The following OR51E2 variants were observed in gnomAD, a reference collection of about 807,000 sequenced individuals.
OR51E2 encodes olfactory receptor family 51 subfamily E member 2.
A neutral mutation model predicts 13.7 loss-of-function variants in OR51E2; 14 were observed. The ratio of observed to expected loss-of-function variants is 1.02; its 90% CI spans 0.68 to 1.60. The LOEUF (loss-of-function observed/expected upper bound fraction) is 1.60. OR51E2 is among the 40% of genes most tolerant of loss of function. The pLI is 0.00. For missense variants in OR51E2, 483 were observed against 413.8 expected (o/e 1.17, Z -1.45); for synonymous variants, 180 against 157.6 (o/e 1.14, Z -1.07).
chr11:4,692,966 A>G (rs1564888014), intron 1 of OR51E2, among the ~76,000 whole-genome samples: 1 of 152,204 alleles, frequency 6.6e-6, no homozygotes, highest in Non-Finnish European at 1.5e-5. Flanking sequence ...ATAGCTTTAG[A>G]TTCTGAAATT....
intron 1 of OR51E2, among the ~76,000 whole-genome samples, chr11:4,694,575 T>TATATACACACAC (rs72005121): frequency 4.1e-5 from 6 of 147,872 alleles, no homozygotes; most frequent in Admixed American, 6.8e-5. Context: ...CATATATATA[T>TATATACACACAC]ACACACACAC....
In OR51E2 at chr11:4,681,892, C is replaced by G. The variant is rs199516642; in HGVS notation, c.820G>C (p.Val274Leu). ...GNSLHPIVRV[V>L]MGDIYLLLPP... The stretch of plus-strand genomic sequence containing the variant: ...AGCAGCAGGTAGATGTCACCCATGA[C>G]AACACGCACAATGGGATGAAGGCTG... Residue 274 changes from valine (V) to leucine (L), a missense_variant, in exon 2 of 2, where the codon GTC (valine) becomes CTC (leucine). Transcript: ENST00000396950. The G allele has an allele frequency of 1.9e-4, 299 of 1,614,152 alleles. No homozygotes were observed. In the East Asian group the frequency reaches 5.9e-3, roughly 32 times the overall value.
At chr11:4,686,893 G>A (rs1361186422) in intron 1 of OR51E2, among the ~76,000 whole-genome samples, 1 of 152,084 alleles carries the variant, frequency 6.6e-6, no homozygotes, top group South Asian at 2.1e-4. Flanking sequence ...CTTATAAGCT[G>A]CCAGGACTGT....
At position 4,683,113 on chromosome 11, in the gene OR51E2, A is replaced by T. The variant is rs1260995958; in HGVS notation, c.-50-352T>A. On this transcript the variant is annotated intron_variant, in intron 1 of 1. Coordinates refer to ENST00000396950, the MANE Select transcript of OR51E2 (RefSeq NM_030774.4). ...CCTTCCAGATAAGGCTGCCTTTCTCATTTTACTTTCCCTGCTTCCCTCCCC... is the reference window on the plus strand; with the variant it reads ...CCTTCCAGATAAGGCTGCCTTTCTCTTTTTACTTTCCCTGCTTCCCTCCCC... Among the ~76,000 whole-genome samples the T allele has an allele frequency of 4.0e-5, 6 of 151,622 alleles. No individual in the cohort carries two copies. In the East Asian group the frequency reaches 9.7e-4, roughly 25 times the overall value.
In OR51E2 at chr11:4,680,626, T is replaced by C. The variant is rs1847438319; in HGVS notation, c.*1123A>G. The C allele has an allele frequency of 6.6e-6, 1 of 152,614 alleles. No individual in the cohort carries two copies. The highest frequency in any genetic ancestry group is 2.1e-4 in the South Asian group (1 of 4,828). The allele number at this position is 152,614 out of a possible 1,614,324, so 9.5% of individuals were successfully genotyped here. On this transcript the variant is annotated 3_prime_UTR_variant, in exon 2 of 2. Transcript: ENST00000396950. ...CTTTAGTCCCCTTGATAATATAAAC[T>C]TCATTTCTCTCACTTATAATAAAGA...
rs1194450535 is a variant in OR51E2 at position 4,682,566 on chromosome 11, C to T, written c.146G>A (p.Arg49Lys). The T allele has an allele frequency of 6.2e-7, 1 of 1,614,164 alleles. No individual in the cohort carries two copies. The highest frequency in any genetic ancestry group is 8.5e-7 in the Non-Finnish European group (1 of 1,180,030). ...CGGAGCGTGCAGGCTGCGTTCCGTC[C>T]TTACGATGAAGACCACGATGCAGTT... ...FGNCIVVFIV[R>K]TERSLHAPMY... The change falls in exon 2 of 2, where the codon AGG (arginine) becomes AAG (lysine). Residue 49 changes from arginine (R) to lysine (K), a missense_variant. Physicochemically the swap from Arg to Lys is conservative, Grantham distance 26. Transcript: ENST00000396950.
chr11:4,681,283 T>G lies in OR51E2; in HGVS notation c.*466A>C, dbSNP rs187555870. On this transcript the variant is annotated 3_prime_UTR_variant, in exon 2 of 2. Coordinates refer to ENST00000396950, the MANE Select transcript of OR51E2 (RefSeq NM_030774.4). ...AGAAGAATTACTTCAACATGGGATG[T>G]GGAGGTTGCAGTGAGCCGAGATCGC... 21 of 166,562 alleles carry G rather than the reference T, an allele frequency of 1.3e-4. No homozygotes were observed. In the East Asian group the frequency reaches 3.2e-3, roughly 25 times the overall value. The allele number at this position is 166,562 out of a possible 1,614,324, so 10.3% of individuals were successfully genotyped here.
chr11:4,685,726 TGTTTGTCAAAG>T (rs1847507072), intron 1 of OR51E2: 1 of 152,184 alleles, frequency 6.6e-6, no homozygotes, highest in African/African-American at 2.4e-5. Flanking sequence ...ATTAAACAAA[TGTTTGTCAAAG>T]GCTTACAATG....
At chr11:4,691,481 G>A (rs941807888) in intron 1 of OR51E2, 3 of 456,462 alleles carry the variant, frequency 6.6e-6, no homozygotes, top group Non-Finnish European at 8.8e-6. Flanking sequence ...ATATGGACAG[G>A]CCGAGGTCAG....
At chr11:4,692,032 G>A in intron 1 of OR51E2, 1 of 346,382 alleles carries the variant, frequency 2.9e-6, no homozygotes, top group South Asian at 2.4e-5. Flanking sequence ...TTTACCCTGA[G>A]TTTGCCAATC....
At chr11:4,691,386 A>G (rs1196506289) in intron 1 of OR51E2, 1 of 457,842 alleles carries the variant, frequency 2.2e-6, no homozygotes, top group Non-Finnish European at 4.4e-6. Context: ...GAAGAATTTA[A>G]TAAAGAACAT....
In OR51E2 at chr11:4,682,603, C is replaced by T; in HGVS notation, c.109G>A (p.Ala37Thr). ...ACCACGATGCAGTTTCCAAACATTG[C>T]CACTACATACATGGAAAGGAGGGGG... ...GFPLLSMYVV[A>T]MFGNCIVVFI... Residue 37 changes from alanine (A) to threonine (T), a missense_variant, in exon 2 of 2, where the codon GCA becomes ACA. Ala to Thr is a moderately conservative substitution (Grantham distance 58, BLOSUM62 0). Transcript: ENST00000396950. 4 of 1,614,150 alleles carry T rather than the reference C, an allele frequency of 2.5e-6. No homozygotes were observed. Among genetic ancestry groups the T allele is most frequent in the Non-Finnish European group, 3.4e-6 (4 of 1,180,020 alleles).
At chr11:4,692,346 C>G (rs1023544159) in intron 1 of OR51E2, among the ~76,000 whole-genome samples, 4 of 152,236 alleles carry the variant, frequency 2.6e-5, no homozygotes, top group Non-Finnish European at 5.9e-5. Flanking sequence ...GGTTAGAACA[C>G]AGACCTCCCA....
intron 1 of OR51E2, among the ~76,000 whole-genome samples, chr11:4,694,365 C>T (rs1367382898): frequency 2.6e-5 from 4 of 151,844 alleles, no homozygotes; most frequent in African/African-American, 4.8e-5. Context: ...CCTACGTTCA[C>T]GCTGGGCTCA....
At chr11:4,693,404 AG>A (rs1228463304) in intron 1 of OR51E2, among the ~76,000 whole-genome samples, 1 of 152,202 alleles carries the variant, frequency 6.6e-6, no homozygotes, top group Non-Finnish European at 1.5e-5. Context: ...AAGAATTCCC[AG>A]GCTTTCAGAA....
At chr11:4,684,436 A>G (rs982996958) in intron 1 of OR51E2, among the ~76,000 whole-genome samples, 6 of 152,182 alleles carry the variant, frequency 3.9e-5, no homozygotes, top group Admixed American at 1.3e-4. Flanking sequence ...ACTGAAATAT[A>G]TGGGACAGAA....
Position 4,682,082 on chromosome 11 carries a change from T to A in OR51E2, c.630A>T (p.Val210=). The change falls in exon 2 of 2, where the codon GTA becomes GTT. Residue 210 remains valine (V), a synonymous_variant. Transcript: ENST00000396950. Reference sequence around the variant, plus strand: ...GAAAATAGGACAAGGAGATGAACATTACGTCCACGCCCATGACCAGCAGAA... The same window carrying A: ...GAAAATAGGACAAGGAGATGAACATAACGTCCACGCCCATGACCAGCAGAA... ...TAILLVMGVD[V]MFISLSYFLI... 1 of 1,614,152 alleles carries A rather than the reference T, an allele frequency of 6.2e-7. No homozygotes were observed. The highest frequency in any genetic ancestry group is 8.5e-7 in the Non-Finnish European group (1 of 1,180,028).
chr11:4,693,242 C>G (rs1403205053), intron 1 of OR51E2, among the ~76,000 whole-genome samples: 2 of 151,998 alleles, frequency 1.3e-5, no homozygotes, highest in Admixed American at 6.5e-5. Context: ...TATTTGTCAA[C>G]TAGAAATAAG....
rs146179503 is a variant in OR51E2, at chr11:4,689,348, C to T, written c.-50-6587G>A. On this transcript the variant is annotated intron_variant, in intron 1 of 1. Transcript: ENST00000396950. Reference sequence around the variant, plus strand: ...TGTAATATGTTGGGGAATAAAAATGCTAAAAATTAAAAATAAGGCAGGTAA... The same window carrying T: ...TGTAATATGTTGGGGAATAAAAATGTTAAAAATTAAAAATAAGGCAGGTAA... Among the ~76,000 whole-genome samples, 72 of 152,030 alleles carry T rather than the reference C, an allele frequency of 4.7e-4. No homozygotes were observed. In the East Asian group the frequency reaches 0.01, roughly 22 times the overall value.
Sources: allele counts gnomAD v4.1 joint callset (sites outside exome capture counted in the v4.1 genomes callset), GRCh38; gene constraint gnomAD v4.1.1; transcripts MANE v1.5; gene names NCBI Gene and HGNC (gene_info 2026-07-23, HGNC 2026-07-21).